BCAS3: variants seen among roughly 807,000 people sequenced by gnomAD.
BCAS3 encodes BCAS4/BCAS3 fusion.
BCAS3 carries 53 observed loss-of-function variants against 116.1 expected under a neutral mutation model. That is an observed-to-expected ratio of 0.46 (90% confidence interval 0.37 to 0.57). The LOEUF (loss-of-function observed/expected upper bound fraction) is 0.57. Ranked by LOEUF, BCAS3 falls within the 20% of genes least tolerant of loss-of-function variation. The pLI is 0.00. For synonymous variants in BCAS3, 391 were observed against 408.2 expected (o/e 0.96, Z 0.51); for missense variants, 917 against 1,165.4 (o/e 0.79, Z 3.10).
chr17:60,936,891 T>G (rs2145206853), intron 13 of BCAS3, among the ~76,000 whole-genome samples: 1 of 152,342 alleles, frequency 6.6e-6, no homozygotes, highest in East Asian at 1.9e-4. Flanking sequence ...GTTTTGGCTT[T>G]TGTTGCCATT....
intron 22 of BCAS3, among the ~76,000 whole-genome samples, chr17:61,148,349 C>G (rs558308018): frequency 1.3e-5 from 2 of 152,296 alleles, no homozygotes; most frequent in South Asian, 2.1e-4. Flanking sequence ...ATGTACCAAC[C>G]ATTATGTGCC....
intron 6 of BCAS3, among the ~76,000 whole-genome samples, chr17:60,751,263 T>C (rs8077981): frequency 0.73 from 110,325 of 152,078 alleles, 45,722 homozygotes; most frequent in South Asian, 0.98. Context: ...CTAGATCTGC[T>C]TTAGGATTTT....
intron 14 of BCAS3, among the ~76,000 whole-genome samples, chr17:60,983,031 GA>G (rs1279184694): frequency 5.3e-5 from 8 of 152,138 alleles, no homozygotes; most frequent in African/African-American, 1.9e-4. Context: ...GTGTCTTAAA[GA>G]AAAAAATATA....
intron 11 of BCAS3, among the ~76,000 whole-genome samples, chr17:60,905,867 C>T (rs563506816): frequency 6.6e-6 from 1 of 152,196 alleles, no homozygotes; most frequent in South Asian, 2.1e-4. Context: ...GTTGGTTGGA[C>T]CAGGTGTGTC....
Position 61,378,600 on chromosome 17 carries a change from G to GTTA in BCAS3, c.2593+10108_2593+10110dup, listed in dbSNP as rs1286914870. 6.6e-6 allele frequency: 1 copy of GTTA among 152,244 alleles called. No individual in the cohort carries two copies. The highest frequency in any genetic ancestry group is 1.5e-5 in the Non-Finnish European group (1 of 68,144). 9.4% of individuals were successfully genotyped at this position (152,244 alleles called of 1,614,324 possible). A position where few individuals can be genotyped will look rare whatever the true frequency, so the allele number is the denominator to read the frequency against. On this transcript the variant is annotated intron_variant, in intron 23 of 23. Coordinates refer to ENST00000407086, the MANE Select transcript of BCAS3 (RefSeq NM_017679.5). The surrounding 1 kb of genome is among the most constrained non-coding windows in gnomAD (Gnocchi z 5.8). ...TTTGAACTGAGTCTGAACCATCTTT[G>GTTA]TTATCCCCAACCACCAGCCTTCTCC...
rs952362149 is a variant in BCAS3 at position 61,309,012 on chromosome 17, A to G, written c.2426-59315A>G. ...CTCCAGCCATGTGGCCTCCCCCAGC[A>G]GAGGCTTTGAGGACCTATCTGTCCC... On this transcript the variant is annotated intron_variant, in intron 22 of 23. Transcript: ENST00000407086. The surrounding 1 kb of genome is among the most constrained non-coding windows in gnomAD (Gnocchi z 4.6). Among the ~76,000 whole-genome samples the G allele has an allele frequency of 6.6e-6, 1 of 152,150 alleles. No homozygotes were observed. The highest frequency in any genetic ancestry group is 2.4e-5 in the African/African-American group (1 of 41,420).
chr17:60,870,598 C>T (rs1030021911), intron 8 of BCAS3, among the ~76,000 whole-genome samples: 2 of 152,142 alleles, frequency 1.3e-5, no homozygotes, highest in Admixed American at 6.5e-5. Context: ...GAACACTTAT[C>T]GCTCCTCCAT....
At chr17:61,386,416 A>C (rs1422661063) in intron 23 of BCAS3, among the ~76,000 whole-genome samples, 1 of 152,218 alleles carries the variant, frequency 6.6e-6, no homozygotes. Flanking sequence ...CTAAGGTCTC[A>C]TCCTACTCCC....
chr17:61,246,267 G>A (rs1447754677), intron 22 of BCAS3, among the ~76,000 whole-genome samples: 2 of 151,884 alleles, frequency 1.3e-5, no homozygotes, highest in Non-Finnish European at 2.9e-5. Flanking sequence ...GATGGCTTGA[G>A]TCCAGGAGTT....
Position 61,355,454 on chromosome 17 carries a change from C to T in BCAS3, c.2426-12873C>T, listed in dbSNP as rs2058089797. ...GGAAAGACTGAGCTGAAAACCCCCTCGCTGGCACTCCAGCCATATTTTCAA... is the reference window on the plus strand; with the variant it reads ...GGAAAGACTGAGCTGAAAACCCCCTTGCTGGCACTCCAGCCATATTTTCAA... On this transcript the variant is annotated intron_variant, in intron 22 of 23. Coordinates refer to ENST00000407086, the MANE Select transcript of BCAS3 (RefSeq NM_017679.5). This position sits in a 1 kb window ranked among gnomAD's most constrained non-coding sequence, Gnocchi z 4.2. 6.6e-6 allele frequency among the ~76,000 whole-genome samples: 1 copy of T among 150,738 alleles called. No individual in the cohort carries two copies. Among genetic ancestry groups the T allele is most frequent in the East Asian group, 2.0e-4 (1 of 5,002 alleles).
chr17:60,986,278 T>C (rs2063138708), intron 14 of BCAS3, among the ~76,000 whole-genome samples: 1 of 152,226 alleles, frequency 6.6e-6, no homozygotes, highest in South Asian at 2.1e-4. Flanking sequence ...TCTTGGCTAT[T>C]GTGAATAATG....
chr17:60,718,524 T>A (rs1421975076), intron 5 of BCAS3, among the ~76,000 whole-genome samples: 1 of 152,158 alleles, frequency 6.6e-6, no homozygotes, highest in Non-Finnish European at 1.5e-5. Flanking sequence ...AGCCTCTACC[T>A]CATGGGTTCA....
At chr17:60,853,604 A>T (rs2053380690) in intron 7 of BCAS3, among the ~76,000 whole-genome samples, 1 of 152,224 alleles carries the variant, frequency 6.6e-6, no homozygotes, top group South Asian at 2.1e-4. Flanking sequence ...AGTCACTAGT[A>T]ACATTTTTAT....
chr17:60,683,883 C>T (rs2033632080), intron 2 of BCAS3, 99 bp from the exon 3 acceptor site: 4 of 1,055,148 alleles, frequency 3.8e-6, no homozygotes, highest in Non-Finnish European at 5.5e-6. Context: ...CAAACAACAA[C>T]AAAAAACAAG....
intron 22 of BCAS3, among the ~76,000 whole-genome samples, chr17:61,176,370 CTA>C (rs72195435): frequency 0.73 from 108,975 of 148,532 alleles, 40,381 homozygotes; most frequent in South Asian, 0.87. Context: ...TTTTTTCTTC[CTA>C]TATTTTTGTT....
chr17:60,943,414 A>G (rs1405783104), intron 13 of BCAS3, among the ~76,000 whole-genome samples: 1 of 152,140 alleles, frequency 6.6e-6, no homozygotes, highest in African/African-American at 2.4e-5. Context: ...GCAAGTACCA[A>G]TCAAAACAAA....
At chr17:60,842,736 C>T (rs1406733691) in intron 7 of BCAS3, among the ~76,000 whole-genome samples, 1 of 152,060 alleles carries the variant, frequency 6.6e-6, no homozygotes, top group Non-Finnish European at 1.5e-5. Context: ...TAAGCTCTTT[C>T]TTCTATCTCC....
intron 22 of BCAS3, among the ~76,000 whole-genome samples, chr17:61,311,572 G>T (rs971441868): frequency 6.6e-6 from 1 of 152,144 alleles, no homozygotes; most frequent in African/African-American, 2.4e-5. Context: ...AACTTGGGGG[G>T]TAAATTGTTG....
chr17:61,102,241 T>A (rs1257028134), intron 22 of BCAS3, among the ~76,000 whole-genome samples: 2 of 152,154 alleles, frequency 1.3e-5, no homozygotes, highest in Non-Finnish European at 2.9e-5. Context: ...AGAAACCTAT[T>A]TGGAGAGGTT....
Sources: allele counts gnomAD v4.1 joint callset (sites outside exome capture counted in the v4.1 genomes callset), GRCh38; gene constraint gnomAD v4.1.1; non-coding constraint Gnocchi (gnomAD v3.1); transcripts MANE v1.5; gene names NCBI Gene and HGNC (gene_info 2026-07-23, HGNC 2026-07-21).